Variants in MMP26 observed in about 807,000 individuals in gnomAD.
MMP26 encodes the protein matrix metallopeptidase 26.
MMP26 carries 33 observed loss-of-function variants against 31.0 expected under a neutral mutation model. The observed-to-expected ratio is 1.06, with a 90% confidence interval of 0.81 to 1.42. The LOEUF (loss-of-function observed/expected upper bound fraction) is 1.42. Among genes scored for constraint, MMP26 ranks in the 40% most tolerant of loss-of-function variants. The probability of loss-of-function intolerance (pLI) is 0.00; values close to 1 mark genes in which losing one functional copy is unlikely to be tolerated. For synonymous variants in MMP26, 122 were observed against 114.9 expected, an observed-to-expected ratio of 1.06 and a Z score of -0.40; for missense variants, 347 against 316.1, an observed-to-expected ratio of 1.10 and a Z score of -0.74.
intron 1 of MMP26, among the ~76,000 whole-genome samples, chr11:4,730,404 A>AGAGAGAGAGAGAGAGAGAGAGAGAG (rs1848157903): frequency 6.9e-6 from 1 of 144,950 alleles, no homozygotes. Context: ...GTTTCTGGGA[A>AGAGAGAGAGAGAGAGAGAGAGAGAG]AGAGAGAGAG....
intron 2 of MMP26, among the ~76,000 whole-genome samples, chr11:4,802,302 A>G (rs1849194282): frequency 6.6e-6 from 1 of 152,208 alleles, no homozygotes; most frequent in African/African-American, 2.4e-5. Context: ...CTTTTGGCAG[A>G]ATGCTAGGTG....
intron 2 of MMP26, chr11:4,890,418 G>A (rs1208109493): frequency 6.0e-6 from 1 of 167,906 alleles, no homozygotes; most frequent in Non-Finnish European, 1.3e-5. Flanking sequence ...ATAGTACATG[G>A]GTGCATGGAG....
At chr11:4,763,615 A>G (rs1353438218) in intron 1 of MMP26, among the ~76,000 whole-genome samples, 1 of 152,248 alleles carries the variant, frequency 6.6e-6, no homozygotes, top group African/African-American at 2.4e-5. Context: ...GCCCTTCAAC[A>G]GCATGCTGTA....
At chr11:4,856,035 C>T (rs1331487163) in intron 2 of MMP26, among the ~76,000 whole-genome samples, 1 of 152,144 alleles carries the variant, frequency 6.6e-6, no homozygotes, top group African/African-American at 2.4e-5. Context: ...GAGATTTTGT[C>T]ACCACCAGGC....
chr11:4,928,413 C>T (rs918686382), intron 2 of MMP26, among the ~76,000 whole-genome samples: 7 of 152,118 alleles, frequency 4.6e-5, no homozygotes, highest in Admixed American at 1.3e-4. Flanking sequence ...TTCATATCTT[C>T]AAATGGTTCA....
chr11:4,887,502 A>AG (rs1850560390), intron 2 of MMP26, among the ~76,000 whole-genome samples: 1 of 152,140 alleles, frequency 6.6e-6, no homozygotes, highest in Non-Finnish European at 1.5e-5. Context: ...TGTTTCTTTC[A>AG]TGAAAATATG....
At chr11:4,707,656 T>G (rs1847797673) in intron 1 of MMP26, among the ~76,000 whole-genome samples, 1 of 152,222 alleles carries the variant, frequency 6.6e-6, no homozygotes. Context: ...AAACTGCTTG[T>G]TTTCCTCCTA....
Position 4,992,005 on chromosome 11 carries a change from T to C in MMP26, c.637T>C (p.Ser213Pro). The C allele has an allele frequency of 1.2e-6, 2 of 1,612,620 alleles. No homozygotes were observed. Among genetic ancestry groups the C allele is most frequent in the South Asian group, 2.2e-5 (2 of 90,620 alleles). Residue 213 changes from serine to proline, a missense_variant, in exon 7 of 8, where the codon TCT (serine) becomes CCT (proline). Ser to Pro is a moderately conservative substitution (Grantham distance 74). Coordinates refer to ENST00000380390, the MANE Select transcript of MMP26 (RefSeq NM_021801.5). ...GGTTGCAACTCATGAGATTGGGCAT[T>C]CTTTGGGCCTGCAGCACTCTGGGAA... ...FLVATHEIGH[S>P]LGLQHSGNQS...
In MMP26 at chr11:4,944,083, A is replaced by G. The variant is rs1419178777; in HGVS notation, c.-144-43985A>G. 3 of 450,834 alleles carry G rather than the reference A, an allele frequency of 6.7e-6. No individual in the cohort carries two copies. In the Admixed American group the frequency reaches 7.3e-5, roughly 11 times the overall value. 27.9% of individuals were successfully genotyped at this position (450,834 alleles called of 1,614,324 possible). A position where few individuals can be genotyped will look rare whatever the true frequency, so the allele number is the denominator to read the frequency against. ...TCAACTACTGCTTGGTTGTACTACA[A>G]CCCCAAACCCATATCTGTATTTGTA... On this transcript the variant is annotated intron_variant, in intron 2 of 7. Transcript: ENST00000380390.
chr11:4,898,979 C>T (rs1850762437), intron 2 of MMP26, among the ~76,000 whole-genome samples: 1 of 151,970 alleles, frequency 6.6e-6, no homozygotes, highest in African/African-American at 2.4e-5. Flanking sequence ...GTCAGTGCTA[C>T]AGAAAAATCT....
At chr11:4,797,260 A>G (rs553544457) in intron 2 of MMP26, among the ~76,000 whole-genome samples, 1 of 152,192 alleles carries the variant, frequency 6.6e-6, no homozygotes, top group South Asian at 2.1e-4. Flanking sequence ...TCCTGAAGAA[A>G]TGAAAGAATG....
intron 1 of MMP26, chr11:4,709,529 A>T (rs992337938): frequency 5.0e-6 from 2 of 398,426 alleles, no homozygotes; most frequent in African/African-American, 4.2e-5. Flanking sequence ...ATTACAGGAC[A>T]TAGTTCTTTT....
chr11:4,711,809 G>GAGTAACACTT (rs1847866005), intron 1 of MMP26: 1 of 152,150 alleles, frequency 6.6e-6, no homozygotes, highest in Non-Finnish European at 1.5e-5. Context: ...ATGTATGAAA[G>GAGTAACACTT]AGTAACACTT....
chr11:4,833,432 G>A (rs949369201), intron 2 of MMP26, among the ~76,000 whole-genome samples: 2 of 152,080 alleles, frequency 1.3e-5, no homozygotes, highest in Non-Finnish European at 1.5e-5. Flanking sequence ...CAAAATTCTG[G>A]TACTATTTAA....
In MMP26 at chr11:4,841,710, A is replaced by G. The variant is rs1216457572; in HGVS notation, c.-145+74369A>G. On this transcript the variant is annotated intron_variant, in intron 2 of 7. Transcript: ENST00000380390. ...CACTTTGGGAGGCCGAAGCAGGCAG[A>G]TCACCTGAGGTCAGGAGTTCGAGAC... Among the ~76,000 whole-genome samples the G allele has an allele frequency of 2.0e-5, 3 of 152,234 alleles. No homozygotes were observed. The East Asian group carries it at 5.8e-4, about 29-fold the overall frequency.
chr11:4,779,994 G>T (rs1354771151), intron 2 of MMP26, among the ~76,000 whole-genome samples: 1 of 152,010 alleles, frequency 6.6e-6, no homozygotes, highest in Non-Finnish European at 1.5e-5. Flanking sequence ...ATGAGTGATT[G>T]TATATTCATC....
intron 1 of MMP26, among the ~76,000 whole-genome samples, chr11:4,712,836 C>A (rs1376733875): frequency 1.3e-5 from 2 of 150,684 alleles, no homozygotes; most frequent in Non-Finnish European, 3.0e-5. Flanking sequence ...CAGCTTATAT[C>A]TCTTATTTTT....
At chr11:4,791,454 G>A (rs1380586543) in intron 2 of MMP26, among the ~76,000 whole-genome samples, 1 of 152,026 alleles carries the variant, frequency 6.6e-6, no homozygotes, top group Non-Finnish European at 1.5e-5. Flanking sequence ...TTGAGGTCTT[G>A]CCCTCATCTC....
At chr11:4,722,828 G>T in intron 1 of MMP26, 3 of 917,578 alleles carry the variant, frequency 3.3e-6, no homozygotes, top group Non-Finnish European at 1.8e-6. Flanking sequence ...AGCTGGTGTG[G>T]CTGAAGGAGC....
Sources: gnomAD v4.1 joint callset for allele counts (sites outside exome capture counted in the v4.1 genomes callset) on GRCh38, gnomAD v4.1.1 for gene constraint, MANE v1.5 for transcripts, NCBI Gene and HGNC (gene_info 2026-07-23, HGNC 2026-07-21) for gene names.